CEP97: variants seen among roughly 807,000 people sequenced by gnomAD.
CEP97 encodes centrosomal protein of 97 kDa.
CEP97 carries 43 observed loss-of-function variants against 73.1 expected under a neutral mutation model. The observed-to-expected ratio is 0.59, with a 90% confidence interval of 0.46 to 0.76. The LOEUF (loss-of-function observed/expected upper bound fraction) is 0.76, where lower values mean the gene tolerates loss of function less well. CEP97 is among the 30% of genes least tolerant of loss of function. The pLI, the probability that CEP97 is intolerant of heterozygous loss-of-function variation, is 0.00. For missense variants in CEP97, 939 were observed against 1,014.0 expected (o/e 0.93, Z 1.00); for synonymous variants, 337 against 370.0 (o/e 0.91, Z 1.02).
intron 1 of CEP97, among the ~76,000 whole-genome samples, chr3:101,725,553 G>T (rs1480215042): frequency 6.6e-6 from 1 of 152,156 alleles, no homozygotes; most frequent in Admixed American, 6.5e-5. Flanking sequence ...GTGTACAAAG[G>T]CTGTGCACTT....
At position 101,765,380 on chromosome 3, in the gene CEP97, A is replaced by G. The variant is rs1939289262; in HGVS notation, c.2427A>G (p.Leu809=). Residue 809 remains leucine (L), a synonymous_variant, in exon 11 of 11, where the codon TTA becomes TTG. Transcript: ENST00000341893. ...ACATTGCTTGTTTCCCAGTACAGTT[A>G]GATACATTGTCTGACGGTGCTTCTG... ...KLHIACFPVQ[L]DTLSDGASVD... is the part of the protein sequence containing the mutation. The G allele has an allele frequency of 6.2e-7, 1 of 1,614,076 alleles. No individual in the cohort carries two copies. The highest frequency in any genetic ancestry group is 1.3e-5 in the African/African-American group (1 of 74,944).
chr3:101,758,612 A>G (rs1464162871), intron 9 of CEP97, 189 bp downstream of exon 9: 1 of 631,336 alleles, frequency 1.6e-6, no homozygotes, highest in Non-Finnish European at 2.7e-6. Context: ...CTATCTCCTC[A>G]TCTCCATCCC....
chr3:101,740,773 G>A (rs1938425896), intron 6 of CEP97, among the ~76,000 whole-genome samples: 1 of 152,132 alleles, frequency 6.6e-6, no homozygotes, highest in South Asian at 2.1e-4. Flanking sequence ...ATTTTTAGTA[G>A]AGATGGGGTT....
In CEP97 at chr3:101,726,591, A is replaced by T; in HGVS notation, c.44-3A>T. 1 of 1,565,704 alleles carries T rather than the reference A, an allele frequency of 6.4e-7. No homozygotes were observed. Among genetic ancestry groups the T allele is most frequent in the South Asian group, 1.2e-5 (1 of 82,902 alleles). ...TTTTCTAACATTTCCGTTTCTTTTC[A>T]AGGATCAGTGGTCAATTGGTCAGGA... is the stretch of plus-strand genomic sequence containing the variant. On this transcript the variant is annotated splice_region_variant and splice_polypyrimidine_tract_variant and intron_variant, in intron 1 of 10. Coordinates refer to ENST00000341893, the MANE Select transcript of CEP97 (RefSeq NM_024548.4).
Position 101,762,582 on chromosome 3 carries a change from T to G in CEP97, c.1893+22T>G, listed in dbSNP as rs1939202279. The G allele has an allele frequency of 1.9e-6, 3 of 1,539,308 alleles. No individual in the cohort carries two copies. In the African/African-American group the frequency reaches 4.1e-5, roughly 21 times the overall value. On this transcript the variant is annotated intron_variant, in intron 10 of 10. Coordinates refer to ENST00000341893, the MANE Select transcript of CEP97 (RefSeq NM_024548.4). ...CCAGGTAAACTCCCTCCTGCTGATT[T>G]ACCTCATATATGATCAAATACAGAT...
At chr3:101,725,246 T>C (rs1474507671) in intron 1 of CEP97, among the ~76,000 whole-genome samples, 1 of 152,202 alleles carries the variant, frequency 6.6e-6, no homozygotes. Flanking sequence ...TACTCCTTGT[T>C]CTTGCACACG....
At chr3:101,742,641 G>A (rs1355227386) in intron 6 of CEP97, among the ~76,000 whole-genome samples, 15 of 151,786 alleles carry the variant, frequency 9.9e-5, no homozygotes, top group African/African-American at 3.2e-4. Context: ...TGTAGGTGAC[G>A]AGTTGCTGGG....
Position 101,755,512 on chromosome 3 carries a change from G to T in CEP97, c.811G>T (p.Ala271Ser). The change falls in exon 7 of 11, where the codon GCT becomes TCT. Residue 271 changes from alanine to serine, a missense_variant. Coordinates refer to ENST00000341893, the MANE Select transcript of CEP97 (RefSeq NM_024548.4). ...GQHIQLVQYL[A>S]TVCPLTSTLG... ...GCACATCCAGCTTGTCCAATATCTG[G>T]CTACAGTCTGCCCCCTCACTTCTAC... 1 of 1,613,886 alleles carries T rather than the reference G, an allele frequency of 6.2e-7. No homozygotes were observed. Among genetic ancestry groups the T allele is most frequent in the African/African-American group, 1.3e-5 (1 of 74,944 alleles).
At chr3:101,752,389 C>T (rs1938858871) in intron 6 of CEP97, among the ~76,000 whole-genome samples, 1 of 151,978 alleles carries the variant, frequency 6.6e-6, no homozygotes, top group Non-Finnish European at 1.5e-5. Context: ...TTGCTCTTCT[C>T]AAGGAGTATC....
rs570472950 is a variant in CEP97 at position 101,729,782 on chromosome 3, T to C, written c.447+845T>C. ...AGATGAGATCTTTTTCTTTTCTTTTTTTTTTTTAGATAGAGTTCTGCTCTG... is the reference window on the plus strand; with the variant it reads ...AGATGAGATCTTTTTCTTTTCTTTTCTTTTTTTAGATAGAGTTCTGCTCTG... On this transcript the variant is annotated intron_variant, in intron 4 of 10. Transcript: ENST00000341893. Among the ~76,000 whole-genome samples, 123 of 151,924 alleles carry C rather than the reference T, an allele frequency of 8.1e-4. 1 individual carries two copies. Among genetic ancestry groups the C allele is most frequent in the African/African-American group, 2.8e-3 (115 of 41,496 alleles).
rs766756823 is a variant in CEP97 at position 101,757,842 on chromosome 3, G to A, written c.1236G>A (p.Leu412=). 1 of 1,614,238 alleles carries A rather than the reference G, an allele frequency of 6.2e-7. No individual in the cohort carries two copies. Among genetic ancestry groups the A allele is most frequent in the East Asian group, 2.2e-5 (1 of 44,888 alleles). The change falls in exon 9 of 11, where the codon CTG becomes CTA. Residue 412 remains leucine, a synonymous_variant. Transcript: ENST00000341893. ...ESTFMPVASG[L]SPLSPTVELR... ...CTTTTATGCCAGTTGCATCAGGACT[G>A]TCTCCACTATCACCTACAGTTGAGC...
intron 9 of CEP97, chr3:101,758,964 AAG>A (rs767528983): frequency 1.3e-5 from 2 of 153,906 alleles, no homozygotes; most frequent in African/African-American, 2.4e-5. Flanking sequence ...GTAGAAGAGA[AAG>A]AGGCAGCAAA....
intron 6 of CEP97, among the ~76,000 whole-genome samples, chr3:101,738,861 CAAA>C (rs1324849135): frequency 6.6e-6 from 1 of 152,002 alleles, no homozygotes; most frequent in East Asian, 1.9e-4. Context: ...GATAGAGACA[CAAA>C]AAACCCTTCA....
chr3:101,753,210 A>G (rs1035120206), intron 6 of CEP97, among the ~76,000 whole-genome samples: 1 of 151,994 alleles, frequency 6.6e-6, no homozygotes, highest in African/African-American at 2.4e-5. Context: ...AGAACAACAG[A>G]TTTTCGTGAA....
intron 6 of CEP97, among the ~76,000 whole-genome samples, chr3:101,747,133 A>T (rs6780844): frequency 3.3e-5 from 5 of 149,660 alleles, no homozygotes; most frequent in African/African-American, 1.2e-4. Context: ...ATTCCTCAGG[A>T]ATCTAGAACT....
At chr3:101,734,568 C>T (rs897065348) in intron 6 of CEP97, among the ~76,000 whole-genome samples, 5 of 152,100 alleles carry the variant, frequency 3.3e-5, no homozygotes, top group African/African-American at 1.2e-4. Context: ...AGCACAGGGC[C>T]GTGAGGAATG....
At chr3:101,746,392 A>T (rs1209597978) in intron 6 of CEP97, among the ~76,000 whole-genome samples, 1 of 151,204 alleles carries the variant, frequency 6.6e-6, no homozygotes, top group African/African-American at 2.4e-5. Flanking sequence ...CAACTATCTG[A>T]TCTTTGACAA....
At chr3:101,730,955 A>AT (rs531615738) in intron 4 of CEP97, among the ~76,000 whole-genome samples, 3,327 of 139,518 alleles carry the variant, frequency 0.024, 46 homozygotes, top group Admixed American at 0.04. Context: ...AGATGATTGA[A>AT]TTTTTTTTTT....
chr3:101,738,011 C>CAAAAAAAAGAAAAAA (rs1938334896), intron 6 of CEP97, among the ~76,000 whole-genome samples: 1 of 44,222 alleles, frequency 2.3e-5, no homozygotes, highest in Non-Finnish European at 3.9e-5. Flanking sequence ...AAATGGAAAG[C>CAAAAAAAAGAAAAAA]AAAAAAAAAA....
Sources: gnomAD v4.1 joint callset for allele counts (sites outside exome capture counted in the v4.1 genomes callset) on GRCh38, gnomAD v4.1.1 for gene constraint, MANE v1.5 for transcripts, NCBI Gene and HGNC (gene_info 2026-07-23, HGNC 2026-07-21) for gene names.